MNAT1: variants seen among roughly 807,000 people sequenced by gnomAD.
MNAT1 encodes the protein CDK-activating kinase assembly factor MAT1.
MNAT1 carries 43 observed loss-of-function variants against 42.0 expected under a neutral mutation model. The observed-to-expected ratio is 1.02, with a 90% CI of 0.80 to 1.32. MNAT1 has a LOEUF of 1.32. Among genes scored for constraint, MNAT1 ranks in the 40% most tolerant of loss-of-function variants. The pLI is 0.00. For synonymous variants in MNAT1, 118 were observed against 120.0 expected (o/e 0.98, Z 0.11); for missense variants, 306 against 350.4 (o/e 0.87, Z 1.01).
intron 6 of MNAT1, among the ~76,000 whole-genome samples, chr14:60,845,489 G>A (rs2033659422): frequency 6.6e-6 from 1 of 151,968 alleles, no homozygotes; most frequent in African/African-American, 2.4e-5. Flanking sequence ...CTAGGTAGAT[G>A]TTGTTGATCT....
In MNAT1 at chr14:60,746,896, TCA is replaced by T. The variant is rs1491382822; in HGVS notation, c.89+11946_89+11947del. ...TGGGAATCCTTTTTAAAGATTCATT[TCA>T]TATATATATATATATATATATATAT... On this transcript the variant is annotated intron_variant, in intron 1 of 7. Transcript: ENST00000261245. Among the ~76,000 whole-genome samples, 60 of 43,052 alleles carry T rather than the reference TCA, an allele frequency of 1.4e-3. 2 individuals carry two copies. Among genetic ancestry groups the T allele is most frequent in the African/African-American group, 8.9e-3 (50 of 5,602 alleles). The allele number at this position is 43,052 out of a possible 152,430, so 28.2% of individuals were successfully genotyped here.
chr14:60,766,538 T>C (rs1358065921), intron 1 of MNAT1, among the ~76,000 whole-genome samples: 1 of 151,488 alleles, frequency 6.6e-6, no homozygotes, highest in Non-Finnish European at 1.5e-5. Context: ...ATGGTGAAAC[T>C]CCATTTCTAT....
At chr14:60,834,140 T>C (rs2033306058) in intron 6 of MNAT1, among the ~76,000 whole-genome samples, 1 of 152,192 alleles carries the variant, frequency 6.6e-6, no homozygotes, top group South Asian at 2.1e-4. Context: ...TTCATTGATT[T>C]TTTTGAAGTG....
At chr14:60,866,028 A>G (rs1442280187) in intron 6 of MNAT1, among the ~76,000 whole-genome samples, 1 of 152,140 alleles carries the variant, frequency 6.6e-6, no homozygotes, top group Non-Finnish European at 1.5e-5. Flanking sequence ...AATGCTTGTC[A>G]TATTCAGTAG....
At chr14:60,926,348 G>C (rs2035763443) in intron 7 of MNAT1, among the ~76,000 whole-genome samples, 1 of 152,178 alleles carries the variant, frequency 6.6e-6, no homozygotes, top group Admixed American at 6.5e-5. Flanking sequence ...TCTATCTGAA[G>C]ATAGTATCAT....
chr14:60,860,767 G>A (rs2139433405), intron 6 of MNAT1, among the ~76,000 whole-genome samples: 1 of 152,276 alleles, frequency 6.6e-6, no homozygotes, highest in East Asian at 1.9e-4. Flanking sequence ...TTAATATGGG[G>A]AGTCATAGGC....
At chr14:60,914,774 A>G (rs1566554522) in intron 7 of MNAT1, among the ~76,000 whole-genome samples, 1 of 152,222 alleles carries the variant, frequency 6.6e-6, no homozygotes, top group Admixed American at 6.5e-5. Flanking sequence ...AAACTTAAGT[A>G]GTGGTCAAGA....
At chr14:60,964,899 G>A (rs983587259) in intron 7 of MNAT1, among the ~76,000 whole-genome samples, 1 of 152,034 alleles carries the variant, frequency 6.6e-6, no homozygotes, top group Admixed American at 6.6e-5. Context: ...ACTTCGACAT[G>A]CTACAATAAT....
rs142261938 is a variant in MNAT1 at position 60,934,435 on chromosome 14, G to A, written c.810-33794G>A. On this transcript the variant is annotated intron_variant, in intron 7 of 7. Transcript: ENST00000261245. ...TGTGTCCGCACCCAAATCTTATCTC[G>A]AATTTCCATGTGTCGTGGGAGGGAC... 1.2e-4 allele frequency among the ~76,000 whole-genome samples: 19 copies of A among 152,204 alleles called. No individual in the cohort carries two copies. The East Asian group carries it at 3.7e-3, about 29-fold the overall frequency.
chr14:60,931,806 G>T (rs1348008852), intron 7 of MNAT1, among the ~76,000 whole-genome samples: 2 of 151,928 alleles, frequency 1.3e-5, no homozygotes. Context: ...TCTGAAAAGA[G>T]CTGCTTAATT....
intron 7 of MNAT1, among the ~76,000 whole-genome samples, chr14:60,942,188 CGTTAA>C (rs1349090036): frequency 1.3e-5 from 2 of 151,896 alleles, no homozygotes; most frequent in Non-Finnish European, 2.9e-5. Flanking sequence ...AAATGATTAC[CGTTAA>C]GTTGTCTGTC....
At chr14:60,767,981 G>T (rs2030900991) in intron 1 of MNAT1, among the ~76,000 whole-genome samples, 1 of 151,912 alleles carries the variant, frequency 6.6e-6, no homozygotes, top group Non-Finnish European at 1.5e-5. Context: ...GGTCAGATTG[G>T]TCTCGATCTC....
chr14:60,802,497 G>A (rs4902005), intron 3 of MNAT1, among the ~76,000 whole-genome samples: 140,436 of 151,978 alleles, frequency 0.92, 65,438 homozygotes, highest in Non-Finnish European at 0.99. Flanking sequence ...TTGTAAACTG[G>A]GCTGTCAGTT....
chr14:60,869,786 T>C (rs1422691749), intron 6 of MNAT1, among the ~76,000 whole-genome samples: 1 of 152,192 alleles, frequency 6.6e-6, no homozygotes, highest in East Asian at 1.9e-4. Context: ...AATTGATTAT[T>C]TTTATTGCCA....
chr14:60,955,007 G>A (rs1050346771), intron 7 of MNAT1, among the ~76,000 whole-genome samples: 1 of 151,840 alleles, frequency 6.6e-6, no homozygotes, highest in African/African-American at 2.4e-5. Flanking sequence ...ATGTTAATGT[G>A]GTGTATCATT....
At chr14:60,820,589 C>T (rs1359301810) in intron 6 of MNAT1, among the ~76,000 whole-genome samples, 3 of 147,298 alleles carry the variant, frequency 2.0e-5, no homozygotes, top group Non-Finnish European at 3.0e-5. Flanking sequence ...CTAGATACTT[C>T]GGTATTAAGT....
intron 1 of MNAT1, among the ~76,000 whole-genome samples, chr14:60,782,634 T>C (rs2031504144): frequency 6.6e-6 from 1 of 152,250 alleles, no homozygotes. Context: ...GTGTCTGGTA[T>C]ATTTCTAAGC....
chr14:60,762,705 C>CAAA (rs33957783), intron 1 of MNAT1, among the ~76,000 whole-genome samples: 2,670 of 93,576 alleles, frequency 0.029, 199 homozygotes, highest in African/African-American at 0.09. Flanking sequence ...GACTCTGTCT[C>CAAA]AAAAAAAAAA....
intron 5 of MNAT1, 82 bp downstream of exon 5, chr14:60,812,209 AG>A (rs1157613953): frequency 7.5e-7 from 1 of 1,326,782 alleles, no homozygotes; most frequent in Non-Finnish European, 1.0e-6. Context: ...TGGCATTTAA[AG>A]GGCTTTTCCA....
Sources: allele counts gnomAD v4.1 joint callset (sites outside exome capture counted in the v4.1 genomes callset), GRCh38; gene constraint gnomAD v4.1.1; transcripts MANE v1.5; gene names NCBI Gene and HGNC (gene_info 2026-07-23, HGNC 2026-07-21).